Variants in CGNL1 observed in about 807,000 individuals in gnomAD.
CGNL1 encodes the protein cingulin like 1, also known as cingulin-like protein 1.
In CGNL1, 132 loss-of-function variants were observed where a neutral mutation model predicts 141.2. The observed-to-expected ratio is 0.93, with a 90% confidence interval of 0.81 to 1.08. CGNL1 has a LOEUF of 1.08. Ranked by LOEUF, CGNL1 falls within the 50% of genes least tolerant of loss-of-function variation. CGNL1 has a pLI of 0.00. For missense variants in CGNL1, 1,870 were observed against 1,588.6 expected, an observed-to-expected ratio of 1.18 and a Z score of -3.01; for synonymous variants, 690 against 622.1, an observed-to-expected ratio of 1.11 and a Z score of -1.63.
Position 57,462,598 on chromosome 15 carries a change from ACT to A in CGNL1, c.2403+709_2403+710del, listed in dbSNP as rs1410426933. Among the ~76,000 whole-genome samples the A allele has an allele frequency of 3.5e-4, 54 of 152,146 alleles. 1 individual carries two copies. Among genetic ancestry groups the A allele is most frequent in the South Asian group, 8.3e-4 (4 of 4,810 alleles). On this transcript the variant is annotated intron_variant, in intron 8 of 18. Transcript: ENST00000281282. The stretch of plus-strand genomic sequence containing the variant: ...ATTACAGATTATAAAATTTTCAGAG[ACT>A]CTGCAATATATAGGTTAAAAATGAT...
intron 8 of CGNL1, among the ~76,000 whole-genome samples, chr15:57,481,138 A>G (rs1220343036): frequency 7.0e-6 from 1 of 143,636 alleles, no homozygotes; most frequent in East Asian, 2.2e-4. Context: ...ACGTTTTGAG[A>G]TAGTTATAAA....
intron 8 of CGNL1, among the ~76,000 whole-genome samples, chr15:57,467,915 C>A (rs1216602185): frequency 6.6e-6 from 1 of 152,128 alleles, no homozygotes; most frequent in African/African-American, 2.4e-5. Context: ...GTCTAGAACT[C>A]CTGACCTCAG....
intron 8 of CGNL1, among the ~76,000 whole-genome samples, chr15:57,512,644 A>G (rs1469217626): frequency 1.3e-5 from 2 of 152,214 alleles, no homozygotes; most frequent in Admixed American, 6.5e-5. Context: ...GCCAAGTTCT[A>G]AACATCACAA....
At chr15:57,529,220 T>C (rs2140165239) in intron 13 of CGNL1, among the ~76,000 whole-genome samples, 1 of 152,332 alleles carries the variant, frequency 6.6e-6, no homozygotes, top group East Asian at 1.9e-4. Flanking sequence ...ATTCTTCATT[T>C]GCCACACCAC....
At chr15:57,532,826 T>A (rs1175931577) in intron 14 of CGNL1, among the ~76,000 whole-genome samples, 1 of 152,250 alleles carries the variant, frequency 6.6e-6, no homozygotes, top group Non-Finnish European at 1.5e-5. Flanking sequence ...AAAGGCACTT[T>A]TCCCTCTATG....
intron 8 of CGNL1, among the ~76,000 whole-genome samples, chr15:57,503,822 A>G (rs1374804907): frequency 1.3e-5 from 2 of 152,144 alleles, no homozygotes; most frequent in African/African-American, 2.4e-5. Context: ...AGACTTGTTC[A>G]CTATCATGAG....
intron 7 of CGNL1, among the ~76,000 whole-genome samples, chr15:57,455,037 A>T (rs555420922): frequency 1.3e-5 from 2 of 152,296 alleles, no homozygotes; most frequent in South Asian, 4.2e-4. Context: ...GGACAATCAT[A>T]ATGTCCCTAC....
At chr15:57,482,951 A>AT (rs1182240279) in intron 8 of CGNL1, among the ~76,000 whole-genome samples, 1 of 151,954 alleles carries the variant, frequency 6.6e-6, no homozygotes, top group African/African-American at 2.4e-5. Context: ...CGCCTGGCTA[A>AT]TTTTTTTGTA....
At chr15:57,543,954 G>A (rs192327111) in intron 15 of CGNL1, among the ~76,000 whole-genome samples, 175 bp downstream of exon 15, 232 of 152,294 alleles carry the variant, frequency 1.5e-3, no homozygotes, top group African/African-American at 5.4e-3. Flanking sequence ...AATCTGCATG[G>A]AAGCTTGGCA....
At chr15:57,517,677 G>A (rs2030922508) in intron 9 of CGNL1, among the ~76,000 whole-genome samples, 1 of 152,202 alleles carries the variant, frequency 6.6e-6, no homozygotes, top group Non-Finnish European at 1.5e-5. Flanking sequence ...ATGGCAGAAG[G>A]GCAGAGGTGG....
intron 10 of CGNL1, among the ~76,000 whole-genome samples, chr15:57,521,767 G>T (rs1463191242): frequency 6.6e-6 from 1 of 152,058 alleles, no homozygotes; most frequent in Non-Finnish European, 1.5e-5. Context: ...GAACCACATG[G>T]AGGCTGAGTA....
At chr15:57,456,128 C>T (rs1249829907) in intron 7 of CGNL1, among the ~76,000 whole-genome samples, 3 of 152,068 alleles carry the variant, frequency 2.0e-5, no homozygotes, top group African/African-American at 4.8e-5. Flanking sequence ...TAAAATAGAC[C>T]CTGTCTCCTT....
chr15:57,446,466 T>C (rs1172549994), intron 4 of CGNL1, among the ~76,000 whole-genome samples: 1 of 152,142 alleles, frequency 6.6e-6, no homozygotes, highest in African/African-American at 2.4e-5. Flanking sequence ...AATTTTACAA[T>C]ATGTATTATA....
chr15:57,385,843 T>A (rs1368455074), intron 1 of CGNL1, among the ~76,000 whole-genome samples: 1 of 152,248 alleles, frequency 6.6e-6, no homozygotes, highest in Non-Finnish European at 1.5e-5. Flanking sequence ...CCAAGGATGC[T>A]GCTAAATATC....
intron 14 of CGNL1, among the ~76,000 whole-genome samples, chr15:57,537,134 C>G (rs529222840): frequency 6.6e-6 from 1 of 152,162 alleles, no homozygotes; most frequent in South Asian, 2.1e-4. Context: ...CATGGGAAGG[C>G]GTTCTCTTGG....
chr15:57,387,780 TGAG>T (rs1410904878), intron 1 of CGNL1, among the ~76,000 whole-genome samples: 1 of 152,242 alleles, frequency 6.6e-6, no homozygotes, highest in African/African-American at 2.4e-5. Context: ...GGCTTCTAAA[TGAG>T]GAGCTGTGGA....
intron 1 of CGNL1, chr15:57,397,241 G>A (rs2062612807): frequency 6.6e-6 from 1 of 152,220 alleles, no homozygotes; most frequent in Non-Finnish European, 1.5e-5. Flanking sequence ...GGAGTCCATG[G>A]CATTTGTAAA....
In CGNL1 at chr15:57,440,430, G is replaced by T. The variant is rs1210553200; in HGVS notation, c.1656G>T (p.Glu552Asp). ...GQQELTQQTN[E>D]ETAKQILYNY... ...AAGAGCTCACTCAGCAAACCAATGA[G>T]GAGACAGCTAAGCAGATTCTCTACA... The change falls in exon 3 of 19, where the codon GAG becomes GAT. Residue 552 changes from glutamate to aspartate, a missense_variant. Transcript: ENST00000281282. 1 of 1,602,034 alleles carries T rather than the reference G, an allele frequency of 6.2e-7. No homozygotes were observed. Among genetic ancestry groups the T allele is most frequent in the East Asian group, 2.2e-5 (1 of 44,734 alleles).
chr15:57,480,862 C>T (rs1339252313), intron 8 of CGNL1, among the ~76,000 whole-genome samples: 1 of 152,192 alleles, frequency 6.6e-6, no homozygotes, highest in Non-Finnish European at 1.5e-5. Flanking sequence ...TTCTTACTCT[C>T]ACCAGTTGGT....
Sources: allele counts gnomAD v4.1 joint callset (sites outside exome capture counted in the v4.1 genomes callset), GRCh38; gene constraint gnomAD v4.1.1; transcripts MANE v1.5; gene names NCBI Gene and HGNC (gene_info 2026-07-23, HGNC 2026-07-21).